The following BRINP3 variants were observed in gnomAD, a reference collection of about 807,000 sequenced individuals.
BRINP3 encodes the protein BMP/retinoic acid-inducible neural-specific protein 3.
BRINP3 carries 19 observed loss-of-function variants against 71.0 expected under a neutral mutation model. The observed-to-expected ratio is 0.27, with a 90% CI of 0.19 to 0.39. The LOEUF (loss-of-function observed/expected upper bound fraction) is 0.39. Ranked by LOEUF, BRINP3 falls within the 10% of genes least tolerant of loss-of-function variation. BRINP3 has a pLI of 1.00. For synonymous variants in BRINP3, 380 were observed against 337.7 expected, an observed-to-expected ratio of 1.13 and a Z score of -1.37; for missense variants, 959 against 940.8, an observed-to-expected ratio of 1.02 and a Z score of -0.25.
chr1:190,226,517 A>C (rs1657396110), intron 5 of BRINP3, among the ~76,000 whole-genome samples, 199 bp from the exon 6 acceptor site: 1 of 152,026 alleles, frequency 6.6e-6, no homozygotes. Flanking sequence ...TGACTCCATG[A>C]ATATGAAACT....
intron 2 of BRINP3, among the ~76,000 whole-genome samples, chr1:190,445,596 C>CAA (rs398039061): frequency 7.4e-4 from 111 of 150,128 alleles, no homozygotes; most frequent in African/African-American, 2.7e-3. Flanking sequence ...CACACACACA[C>CAA]CCTCAAGAAA....
At chr1:190,396,735 T>TATATATATATATATATATATAA (rs1558249183) in intron 2 of BRINP3, among the ~76,000 whole-genome samples, 1 of 144,160 alleles carries the variant, frequency 6.9e-6, no homozygotes. Context: ...TATATATATA[T>TATATATATATATATATATATAA]ATATGTAACT....
intron 2 of BRINP3, among the ~76,000 whole-genome samples, chr1:190,327,351 G>A (rs979892826): frequency 0.012 from 808 of 64,716 alleles, no homozygotes; most frequent in Non-Finnish European, 0.018. Context: ...AAAAAAAAAA[G>A]GAAAAAAAAA....
chr1:190,133,340 A>G (rs551685261), intron 7 of BRINP3, among the ~76,000 whole-genome samples: 1 of 152,264 alleles, frequency 6.6e-6, no homozygotes, highest in East Asian at 1.9e-4. Flanking sequence ...ATATTTACCA[A>G]ACATCTACTG....
intron 7 of BRINP3, among the ~76,000 whole-genome samples, chr1:190,116,684 C>G (rs963384913): frequency 6.6e-6 from 1 of 151,842 alleles, no homozygotes; most frequent in Non-Finnish European, 1.5e-5. Context: ...TTTTCTGATC[C>G]AAAATCAAGT....
chr1:190,139,451 C>CAAAAAAAAAAAAA (rs11315431), intron 7 of BRINP3, among the ~76,000 whole-genome samples: 2 of 87,558 alleles, frequency 2.3e-5, no homozygotes, highest in Admixed American at 1.2e-4. Flanking sequence ...GACTCTGTCT[C>CAAAAAAAAAAAAA]AAAAAAAAAA....
At chr1:190,409,798 G>A (rs1175075352) in intron 2 of BRINP3, among the ~76,000 whole-genome samples, 1 of 152,056 alleles carries the variant, frequency 6.6e-6, no homozygotes. Flanking sequence ...GCATAAGGAA[G>A]AATAATTGGG....
At chr1:190,263,808 G>C (rs916792493) in intron 4 of BRINP3, among the ~76,000 whole-genome samples, 3 of 151,800 alleles carry the variant, frequency 2.0e-5, no homozygotes, top group African/African-American at 7.3e-5. Context: ...GCATGGTCTC[G>C]ATCTCCCGAC....
At chr1:190,212,151 C>T (rs1008535499) in intron 6 of BRINP3, among the ~76,000 whole-genome samples, 10 of 151,998 alleles carry the variant, frequency 6.6e-5, no homozygotes, top group South Asian at 4.1e-4. Flanking sequence ...TTTAAAAGAG[C>T]TATGTTATAA....
At chr1:190,107,802 G>A (rs1273870840) in intron 7 of BRINP3, among the ~76,000 whole-genome samples, 1 of 151,928 alleles carries the variant, frequency 6.6e-6, no homozygotes, top group Non-Finnish European at 1.5e-5. Context: ...GCGAGAAAAT[G>A]TAACAGTGAA....
chr1:190,401,861 C>T (rs1308318190), intron 2 of BRINP3, among the ~76,000 whole-genome samples: 2 of 151,902 alleles, frequency 1.3e-5, no homozygotes, highest in African/African-American at 4.8e-5. Context: ...TTTTTGAAAT[C>T]AGAATTTGAA....
At chr1:190,380,304 C>T (rs1156456731) in intron 2 of BRINP3, among the ~76,000 whole-genome samples, 1 of 151,808 alleles carries the variant, frequency 6.6e-6, no homozygotes, top group African/African-American at 2.4e-5. Flanking sequence ...TTTAAAAGTG[C>T]GGAAGTCACT....
chr1:190,389,954 C>T (rs1291657454), intron 2 of BRINP3, among the ~76,000 whole-genome samples: 3 of 151,708 alleles, frequency 2.0e-5, no homozygotes, highest in African/African-American at 7.3e-5. Context: ...AGTAATGGCT[C>T]AAAAGAATCT....
chr1:190,360,427 T>A (rs1669064459), intron 2 of BRINP3, among the ~76,000 whole-genome samples: 1 of 152,152 alleles, frequency 6.6e-6, no homozygotes, highest in South Asian at 2.1e-4. Flanking sequence ...GGAAAATTGT[T>A]TTAGACAAAA....
At chr1:190,405,234 G>A (rs952498408) in intron 2 of BRINP3, among the ~76,000 whole-genome samples, 1 of 151,860 alleles carries the variant, frequency 6.6e-6, no homozygotes, top group African/African-American at 2.4e-5. Flanking sequence ...GGCGGATCAC[G>A]AGGTCAGCAG....
chr1:190,414,553 A>T (rs947226896), intron 2 of BRINP3, among the ~76,000 whole-genome samples: 1 of 152,204 alleles, frequency 6.6e-6, no homozygotes, highest in African/African-American at 2.4e-5. Context: ...TTTCACTAAC[A>T]AGGGCATTAG....
At chr1:190,305,294 T>A (rs1473848021) in intron 2 of BRINP3, among the ~76,000 whole-genome samples, 1 of 151,766 alleles carries the variant, frequency 6.6e-6, no homozygotes, top group African/African-American at 2.4e-5. Flanking sequence ...GGAGAGAGAT[T>A]TGCATTCTTT....
At chr1:190,340,917 T>TC (rs1178335191) in intron 2 of BRINP3, among the ~76,000 whole-genome samples, 4 of 151,682 alleles carry the variant, frequency 2.6e-5, no homozygotes, top group African/African-American at 9.7e-5. Flanking sequence ...TCTTTTTTTT[T>TC]CCAAGAAATA....
At chr1:190,462,631 A>G (rs1005609379) in intron 1 of BRINP3, among the ~76,000 whole-genome samples, 4 of 152,102 alleles carry the variant, frequency 2.6e-5, no homozygotes, top group Non-Finnish European at 5.9e-5. Flanking sequence ...AACAAAATTA[A>G]CACCTTTTTA....
Sources: gnomAD v4.1 joint callset for allele counts (sites outside exome capture counted in the v4.1 genomes callset) on GRCh38, gnomAD v4.1.1 for gene constraint, MANE v1.5 for transcripts, NCBI Gene and HGNC (gene_info 2026-07-23, HGNC 2026-07-21) for gene names.